The following MAP3K7CL variants were observed in gnomAD, a reference collection of about 807,000 sequenced individuals.
MAP3K7CL encodes the protein MAP3K7 C-terminal like.
MAP3K7CL carries 16 observed loss-of-function variants against 18.6 expected under a neutral mutation model. The ratio of observed to expected loss-of-function variants is 0.86; its 90% CI spans 0.58 to 1.31. The LOEUF (loss-of-function observed/expected upper bound fraction) is 1.31. Ranked by LOEUF, MAP3K7CL falls within the 50% of genes most tolerant of loss-of-function variation. The pLI, the probability that MAP3K7CL is intolerant of heterozygous loss-of-function variation, is 0.00. For missense variants in MAP3K7CL, 163 were observed against 174.4 expected (o/e 0.93, Z 0.37); for synonymous variants, 65 against 66.8 (o/e 0.97, Z 0.13).
chr21:29,128,088 G>C (rs1230380665), upstream of MAP3K7CL: 1 of 152,192 alleles, frequency 6.6e-6, no homozygotes, highest in Non-Finnish European at 1.5e-5. Context: ...GCAGACCCAG[G>C]GGGCCAATTT....
At chr21:29,099,321 TC>T (rs2086180060) in intron 4 of MAP3K7CL, among the ~76,000 whole-genome samples, 1 of 146,804 alleles carries the variant, frequency 6.8e-6, no homozygotes, top group Non-Finnish European at 1.5e-5. Flanking sequence ...CCCAAGCTGA[TC>T]TTGAACTTCC....
intron 2 of MAP3K7CL, among the ~76,000 whole-genome samples, chr21:29,139,028 C>G (rs749433639): frequency 6.6e-6 from 1 of 152,170 alleles, no homozygotes; most frequent in African/African-American, 2.4e-5. Flanking sequence ...AATCGTATGA[C>G]ACTTAGTTTT....
chr21:29,166,193 A>C (rs1026267050), intron 4 of MAP3K7CL, among the ~76,000 whole-genome samples: 1 of 151,936 alleles, frequency 6.6e-6, no homozygotes, highest in Non-Finnish European at 1.5e-5. Context: ...GGTAATCACT[A>C]TTCTACTCTC....
At chr21:29,095,924 T>C (rs993916610) in intron 4 of MAP3K7CL, among the ~76,000 whole-genome samples, 4 of 152,230 alleles carry the variant, frequency 2.6e-5, no homozygotes, top group African/African-American at 9.6e-5. Flanking sequence ...TGCCACTTGA[T>C]AGTATCAGCT....
intron 4 of MAP3K7CL, among the ~76,000 whole-genome samples, chr21:29,124,384 A>ATG (rs934142676): frequency 4.0e-5 from 6 of 150,876 alleles, no homozygotes; most frequent in African/African-American, 1.2e-4. Context: ...AAAAGAACAC[A>ATG]TGTGTCACAT....
chr21:29,108,609 G>A (rs982285511), intron 4 of MAP3K7CL, among the ~76,000 whole-genome samples: 5 of 152,128 alleles, frequency 3.3e-5, no homozygotes, highest in Non-Finnish European at 7.4e-5. Flanking sequence ...TTAAAGTGCA[G>A]TATACCTTAC....
chr21:29,154,891 T>G (rs2087362690), intron 3 of MAP3K7CL, among the ~76,000 whole-genome samples: 1 of 152,254 alleles, frequency 6.6e-6, no homozygotes, highest in Non-Finnish European at 1.5e-5. Flanking sequence ...TTTAATTTTT[T>G]GTTTGTTTTG....
chr21:29,089,608 T>C (rs1368003884), intron 1 of MAP3K7CL, among the ~76,000 whole-genome samples: 8 of 152,206 alleles, frequency 5.3e-5, no homozygotes, highest in Non-Finnish European at 1.0e-4. Flanking sequence ...GTGGCCTTAT[T>C]ATTTCTTTAC....
intron 4 of MAP3K7CL, among the ~76,000 whole-genome samples, chr21:29,108,841 G>A (rs1568940305): frequency 6.6e-6 from 1 of 152,206 alleles, no homozygotes; most frequent in African/African-American, 2.4e-5. Context: ...AGAATAAACT[G>A]TAGAATGTTT....
rs2086565599 is a variant in MAP3K7CL, at chr21:29,119,984, T to G, written c.370+27403T>G. Among the ~76,000 whole-genome samples the G allele has an allele frequency of 1.3e-5, 2 of 152,106 alleles. 1 individual carries two copies. Among genetic ancestry groups the G allele is most frequent in the South Asian group, 4.1e-4 (2 of 4,820 alleles). On this transcript the variant is annotated intron_variant, in intron 4 of 6. Transcript: ENST00000286791. ...CTGGCCTTTAATCTTAAAACTTGAT[T>G]GATAGTTTGGTCAGATATGGAACTT...
intron 4 of MAP3K7CL, among the ~76,000 whole-genome samples, chr21:29,100,401 A>T (rs565927438): frequency 6.6e-6 from 1 of 152,374 alleles, no homozygotes; most frequent in Non-Finnish European, 1.5e-5. Flanking sequence ...TTTACTGATG[A>T]GGAAACTGAC....
chr21:29,104,079 T>C (rs990164681), intron 4 of MAP3K7CL, among the ~76,000 whole-genome samples: 1 of 152,200 alleles, frequency 6.6e-6, no homozygotes, highest in Non-Finnish European at 1.5e-5. Context: ...TTTACTTTTT[T>C]CCCCTTCTTG....
At chr21:29,167,768 C>T (rs193284603) in intron 4 of MAP3K7CL, among the ~76,000 whole-genome samples, 24 of 147,804 alleles carry the variant, frequency 1.6e-4, no homozygotes, top group African/African-American at 6.1e-4. Flanking sequence ...GGCGCGATCT[C>T]GGCTCACTGC....
chr21:29,084,538 C>A (rs1331961119), upstream of MAP3K7CL, among the ~76,000 whole-genome samples: 1 of 152,118 alleles, frequency 6.6e-6, no homozygotes, highest in Non-Finnish European at 1.5e-5. Context: ...CAATGATTTC[C>A]TCTGGGATTT....
intron 4 of MAP3K7CL, among the ~76,000 whole-genome samples, chr21:29,171,328 T>C (rs2087821674): frequency 6.6e-6 from 1 of 152,260 alleles, no homozygotes; most frequent in African/African-American, 2.4e-5. Flanking sequence ...ATCAGTGATG[T>C]ACCTTATCTT....
chr21:29,165,988 C>T (rs1319415619), intron 4 of MAP3K7CL, among the ~76,000 whole-genome samples: 1 of 152,200 alleles, frequency 6.6e-6, no homozygotes, highest in Non-Finnish European at 1.5e-5. Flanking sequence ...TCTCCTCAAA[C>T]ATTTGTCATA....
At chr21:29,113,059 T>A (rs780031654) in intron 4 of MAP3K7CL, among the ~76,000 whole-genome samples, 1 of 152,220 alleles carries the variant, frequency 6.6e-6, no homozygotes, top group South Asian at 2.1e-4. Context: ...CCTCCCAAAG[T>A]GCTGGGATTA....
chr21:29,083,858 G>C (rs934918519), upstream of MAP3K7CL, among the ~76,000 whole-genome samples: 2 of 150,730 alleles, frequency 1.3e-5, no homozygotes, highest in Non-Finnish European at 3.0e-5. Flanking sequence ...ATATATGTGT[G>C]TGTGTGTGTA....
intron 4 of MAP3K7CL, among the ~76,000 whole-genome samples, chr21:29,164,920 C>T (rs1006693922): frequency 7.2e-5 from 11 of 152,008 alleles, no homozygotes; most frequent in Non-Finnish European, 1.5e-4. Context: ...TATACAGTAA[C>T]GTGGAATGTA....
Sources: gnomAD v4.1 joint callset for allele counts (sites outside exome capture counted in the v4.1 genomes callset) on GRCh38, gnomAD v4.1.1 for gene constraint, MANE v1.5 for transcripts, NCBI Gene and HGNC (gene_info 2026-07-23, HGNC 2026-07-21) for gene names.